DCT: variants seen among roughly 807,000 people sequenced by gnomAD.
The protein encoded by DCT is L-dopachrome tautomerase.
Under a neutral mutation model 53.0 loss-of-function variants are expected in DCT, and 47 were observed. The observed-to-expected ratio is 0.89, with a 90% confidence interval of 0.70 to 1.13. The LOEUF is 1.13. DCT is among the 50% of genes most tolerant of loss of function. The pLI is 0.00. For missense variants in DCT, 669 were observed against 637.4 expected, an observed-to-expected ratio of 1.05 and a Z score of -0.53; for synonymous variants, 244 against 237.0, an observed-to-expected ratio of 1.03 and a Z score of -0.27.
the DCT span, among the ~76,000 whole-genome samples, chr13:94,503,668 G>C: frequency 6.6e-6 from 1 of 152,180 alleles, no homozygotes; most frequent in South Asian, 2.1e-4. Flanking sequence ...CCAGAAGCTG[G>C]AAGACAGGAT....
At chr13:94,531,163 A>T in the DCT span, among the ~76,000 whole-genome samples, 1 of 152,234 alleles carries the variant, frequency 6.6e-6, no homozygotes, top group African/African-American at 2.4e-5. Flanking sequence ...ATGGAAGAAC[A>T]TTCCATGCTC....
chr13:94,476,620 T>C (rs1885104846), intron 1 of DCT, among the ~76,000 whole-genome samples: 1 of 151,826 alleles, frequency 6.6e-6, no homozygotes, highest in African/African-American at 2.4e-5. Context: ...GGATTACAGG[T>C]GCCCATCACC....
At chr13:94,516,640 T>C in the DCT span, among the ~76,000 whole-genome samples, 1 of 152,110 alleles carries the variant, frequency 6.6e-6, no homozygotes, top group East Asian at 1.9e-4. Flanking sequence ...GATTAATTCA[T>C]TTATGAATGA....
chr13:94,444,899 C>T (rs1882620069), intron 6 of DCT, among the ~76,000 whole-genome samples: 1 of 152,222 alleles, frequency 6.6e-6, no homozygotes, highest in African/African-American at 2.4e-5. Context: ...AAGATAAGGA[C>T]TTTTCACCTT....
chr13:94,496,932 G>A, the DCT span, among the ~76,000 whole-genome samples: 63 of 152,300 alleles, frequency 4.1e-4, 1 homozygote, highest in South Asian at 2.5e-3. Flanking sequence ...AGTGCTGGAC[G>A]TCCTTCAAGA....
rs1175910242 is a variant in DCT at position 94,479,074 on chromosome 13, C to T, written c.182G>A (p.Cys61Tyr). ...CCTTGTGTCGGCTCGCACCTCTGTGCACTGCCCCCGGCCTTGCTGAGAGCC... is the reference window on the plus strand; with the variant it reads ...CCTTGTGTCGGCTCGCACCTCTGTGTACTGCCCCCGGCCTTGCTGAGAGCC... ...VCGSQQGRGQCTEVRADTRPW... is the reference protein window; with the variant it reads ...VCGSQQGRGQYTEVRADTRPW... The change falls in exon 1 of 8, where the codon TGC becomes TAC. Residue 61 changes from cysteine to tyrosine, a missense_variant. Cys to Tyr is a radical substitution (Grantham distance 194). Transcript: ENST00000377028. 2 of 1,614,108 alleles carry T rather than the reference C, an allele frequency of 1.2e-6. No individual in the cohort carries two copies. The highest frequency in any genetic ancestry group is 1.7e-5 in the Admixed American group (1 of 60,006).
the DCT span, among the ~76,000 whole-genome samples, chr13:94,522,698 G>T: frequency 6.6e-6 from 1 of 152,200 alleles, no homozygotes; most frequent in Non-Finnish European, 1.5e-5. Context: ...TGACACACAT[G>T]ATTTCATTTG....
intron 4 of DCT, among the ~76,000 whole-genome samples, chr13:94,463,558 G>A (rs1566834795): frequency 1.3e-5 from 2 of 151,936 alleles, no homozygotes; most frequent in African/African-American, 2.4e-5. Flanking sequence ...CCAAAGTGCT[G>A]AGATTACAGG....
chr13:94,540,632 G>A, the DCT span, among the ~76,000 whole-genome samples: 1 of 152,130 alleles, frequency 6.6e-6, no homozygotes, highest in Non-Finnish European at 1.5e-5. Context: ...GTTAAAATGT[G>A]TTTTATCGAA....
At chr13:94,474,845 T>C (rs1299754879) in intron 1 of DCT, among the ~76,000 whole-genome samples, 1 of 152,226 alleles carries the variant, frequency 6.6e-6, no homozygotes, top group African/African-American at 2.4e-5. Flanking sequence ...TTTCTACTTA[T>C]TAGGCTGAAA....
chr13:94,499,265 A>G, the DCT span, among the ~76,000 whole-genome samples: 1 of 152,104 alleles, frequency 6.6e-6, no homozygotes, highest in Admixed American at 6.5e-5. Context: ...GAGCTGTAAC[A>G]CTCACCGTGA....
the DCT span, among the ~76,000 whole-genome samples, chr13:94,541,107 A>G: frequency 4.6e-4 from 70 of 152,308 alleles, no homozygotes; most frequent in Admixed American, 4.1e-3. Flanking sequence ...GGAGATAGAG[A>G]GTAGACTGAT....
At chr13:94,521,675 A>C in the DCT span, among the ~76,000 whole-genome samples, 1 of 145,648 alleles carries the variant, frequency 6.9e-6, no homozygotes, top group Admixed American at 7.0e-5. Flanking sequence ...GTAAAAAACA[A>C]AAACAAAACA....
At chr13:94,460,656 A>G (rs904769169) in intron 5 of DCT, among the ~76,000 whole-genome samples, 4 of 152,148 alleles carry the variant, frequency 2.6e-5, no homozygotes, top group African/African-American at 9.7e-5. Context: ...GCTACTCAGG[A>G]GGCTGAGGTA....
the DCT span, among the ~76,000 whole-genome samples, chr13:94,533,354 G>A: frequency 2.7e-5 from 4 of 150,166 alleles, no homozygotes; most frequent in Admixed American, 2.0e-4. Flanking sequence ...AATATTTACC[G>A]AAAATGTTTT....
the DCT span, among the ~76,000 whole-genome samples, chr13:94,538,692 A>G: frequency 0.049 from 7,404 of 152,300 alleles, 281 homozygotes; most frequent in African/African-American, 0.11. Flanking sequence ...ACTGCCCATC[A>G]CAAATACAAC....
At chr13:94,464,838 A>G (rs1001870497) in intron 4 of DCT, among the ~76,000 whole-genome samples, 2 of 152,028 alleles carry the variant, frequency 1.3e-5, no homozygotes, top group Non-Finnish European at 2.9e-5. Context: ...TGACCTGTGT[A>G]TGGTCTTTAG....
chr13:94,484,331 G>A (rs1197930670), upstream of DCT, among the ~76,000 whole-genome samples: 3 of 152,136 alleles, frequency 2.0e-5, no homozygotes, highest in Non-Finnish European at 4.4e-5. Flanking sequence ...GCCCCTTTAG[G>A]GAGAGTCAAG....
chr13:94,440,676 G>GTTTTTTTTTT (rs761688508), intron 7 of DCT, among the ~76,000 whole-genome samples: 13 of 98,038 alleles, frequency 1.3e-4, no homozygotes, highest in Non-Finnish European at 1.5e-4. Flanking sequence ...TCATTTTTTG[G>GTTTTTTTTTT]TTTTTTTTTT....
Sources: allele counts gnomAD v4.1 joint callset (sites outside exome capture counted in the v4.1 genomes callset), GRCh38; gene constraint gnomAD v4.1.1; transcripts MANE v1.5; gene names NCBI Gene and HGNC (gene_info 2026-07-23, HGNC 2026-07-21).